Variants in DIPK1B observed in about 807,000 individuals in gnomAD.
DIPK1B encodes the protein divergent protein kinase domain 1B.
DIPK1B carries 17 observed loss-of-function variants against 20.7 expected under a neutral mutation model. That is an observed-to-expected ratio of 0.82 (90% CI 0.56 to 1.23). The LOEUF (loss-of-function observed/expected upper bound fraction) is 1.23, where lower values mean the gene tolerates loss of function less well. Ranked by LOEUF, DIPK1B falls within the 50% of genes most tolerant of loss-of-function variation. The pLI, the probability that DIPK1B is intolerant of heterozygous loss-of-function variation, is 0.00. For synonymous variants in DIPK1B, 343 were observed against 276.5 expected, an observed-to-expected ratio of 1.24 and a Z score of -2.39; for missense variants, 648 against 601.8, an observed-to-expected ratio of 1.08 and a Z score of -0.80.
At chr9:136,722,644 G>A (rs367861834) in intron 4 of DIPK1B, 122 of 562,048 alleles carry the variant, frequency 2.2e-4, no homozygotes, top group East Asian at 2.0e-3. Context: ...CGTGCCCTCT[G>A]CCCTGTGCCG....
At chr9:136,720,240 GCGTTTTCTT>G (rs1846575820) in intron 2 of DIPK1B, among the ~76,000 whole-genome samples, 1 of 151,972 alleles carries the variant, frequency 6.6e-6, no homozygotes, top group Non-Finnish European at 1.5e-5. Context: ...CGAAGAGCCG[GCGTTTTCTT>G]GCTGCCGGGA....
At chr9:136,719,503 G>A (rs1459483418) in intron 2 of DIPK1B, among the ~76,000 whole-genome samples, 2 of 152,244 alleles carry the variant, frequency 1.3e-5, no homozygotes, top group African/African-American at 4.8e-5. Flanking sequence ...TGCAGGGCCA[G>A]TCCCAGCTTC....
At chr9:136,717,034 G>A (rs1354385531) in intron 1 of DIPK1B, among the ~76,000 whole-genome samples, 2 of 152,042 alleles carry the variant, frequency 1.3e-5, no homozygotes, top group Non-Finnish European at 2.9e-5. Flanking sequence ...TTCAAGACCA[G>A]CCTAGTCAAC....
chr9:136,724,638 ATAT>A lies in DIPK1B; in HGVS notation c.*868_*870del, dbSNP rs570716541. Reference sequence around the variant, plus strand: ...ACTCTCAAATTTTGCCAACACAGAAATATTATCCTTAAAGAAATGTGCATTTAA... The same window carrying A: ...ACTCTCAAATTTTGCCAACACAGAAATATCCTTAAAGAAATGTGCATTTAA... On this transcript the variant is annotated 3_prime_UTR_variant, in exon 5 of 5. Transcript: ENST00000371692. 9.6e-4 allele frequency: 147 copies of A among 152,376 alleles called. No homozygotes were observed. Among genetic ancestry groups the A allele is most frequent in the African/African-American group, 3.4e-3 (141 of 41,596 alleles). The allele number at this position is 152,376 out of a possible 1,614,324, so 9.4% of individuals were successfully genotyped here. A position where few individuals can be genotyped will look rare whatever the true frequency, so the allele number is the denominator to read the frequency against.
chr9:136,723,444 G>A lies in DIPK1B; in HGVS notation c.966G>A (p.Glu322=). ...CCGACCTGCAGCAGGTGGCACCCGA[G>A]GCCACCGTGCGCCGCTTCCTGCAGG... ...KMADLQQVAP[E]ATVRRFLQGR... The change falls in exon 5 of 5, where the codon GAG becomes GAA. Residue 322 remains glutamate, a synonymous_variant. Coordinates refer to ENST00000371692, the MANE Select transcript of DIPK1B (RefSeq NM_152421.4). The A allele has an allele frequency of 1.9e-6, 3 of 1,611,760 alleles. No homozygotes were observed. Among genetic ancestry groups the A allele is most frequent in the Non-Finnish European group, 2.5e-6 (3 of 1,179,284 alleles).
At chr9:136,714,439 T>C (rs1004351196) in intron 1 of DIPK1B, among the ~76,000 whole-genome samples, 1 of 152,184 alleles carries the variant, frequency 6.6e-6, no homozygotes. Context: ...GGTAAGTCCC[T>C]AGCTTGGTGT....
Position 136,723,898 on chromosome 9 carries a change from G to C in DIPK1B, c.*124G>C. The stretch of plus-strand genomic sequence containing the variant: ...TGTGTTGCAAAATCACTCCCCTACC[G>C]TCAGGGCTCTGGATTCCAGCACCAC... On this transcript the variant is annotated 3_prime_UTR_variant, in exon 5 of 5. Coordinates refer to ENST00000371692, the MANE Select transcript of DIPK1B (RefSeq NM_152421.4). The C allele has an allele frequency of 9.9e-7, 1 of 1,013,658 alleles. No homozygotes were observed. Among genetic ancestry groups the C allele is most frequent in the Non-Finnish European group, 1.4e-6 (1 of 707,452 alleles). 62.8% of individuals were successfully genotyped at this position (1,013,658 alleles called of 1,614,324 possible). A position where few individuals can be genotyped will look rare whatever the true frequency, so the allele number is the denominator to read the frequency against.
Position 136,722,115 on chromosome 9 carries a change from C to T in DIPK1B, c.307-10C>T, listed in dbSNP as rs746133768. 7 of 1,613,672 alleles carry T rather than the reference C, an allele frequency of 4.3e-6. No homozygotes were observed. Among genetic ancestry groups the T allele is most frequent in the East Asian group, 4.5e-5 (2 of 44,882 alleles). Reference sequence around the variant, plus strand: ...ATGTCTGCACGGAGGACCTCTGTGGCCCTGTCCAGGTGTACAGCGGGCTCT... The same window carrying T: ...ATGTCTGCACGGAGGACCTCTGTGGTCCTGTCCAGGTGTACAGCGGGCTCT... On this transcript the variant is annotated splice_polypyrimidine_tract_variant and intron_variant, in intron 3 of 4. Coordinates refer to ENST00000371692, the MANE Select transcript of DIPK1B (RefSeq NM_152421.4).
chr9:136,722,720 G>A, intron 4 of DIPK1B: 2 of 594,860 alleles, frequency 3.4e-6, no homozygotes, highest in Non-Finnish European at 5.9e-6. Flanking sequence ...CTCCCCAGGT[G>A]CACCCAAGGC....
chr9:136,717,836 G>C, intron 2 of DIPK1B, 125 bp downstream of exon 2: 1 of 1,440,744 alleles, frequency 6.9e-7, no homozygotes, highest in Non-Finnish European at 9.4e-7. Context: ...TGGGTTTCTA[G>C]GTGGAATCTG....
At position 136,723,306 on chromosome 9, in the gene DIPK1B, C is replaced by T. The variant is rs553189035; in HGVS notation, c.828C>T (p.Ile276=). 4.0e-5 allele frequency: 64 copies of T among 1,612,872 alleles called. No individual in the cohort carries two copies. The highest frequency in any genetic ancestry group is 4.8e-5 in the Non-Finnish European group (57 of 1,179,850). The change falls in exon 5 of 5, where the codon ATC becomes ATT. Residue 276 remains isoleucine (I), a synonymous_variant. Transcript: ENST00000371692. ...GGCCTTGGCGGGCCAAGATCGCCAT[C>T]GGCCTGCTGGAGTTCGTGGAGGAGC... ...PAWPWRAKIA[I]GLLEFVEELF... is the part of the protein sequence containing the mutation.
At position 136,714,708 on chromosome 9, in the gene DIPK1B, C is replaced by T. The variant is rs143456762; in HGVS notation, c.63+1980C>T. ...GCCCAGGACAAGTGGTCTGAGGGGG[C>T]GGAGACCAACCTGGGCCTGGAGGGC... On this transcript the variant is annotated intron_variant, in intron 1 of 4. Coordinates refer to ENST00000371692, the MANE Select transcript of DIPK1B (RefSeq NM_152421.4). 3.3e-3 allele frequency among the ~76,000 whole-genome samples: 501 copies of T among 152,350 alleles called. 6 individuals are homozygous for T. Among genetic ancestry groups the T allele is most frequent in the African/African-American group, 0.011 (473 of 41,582 alleles).
Position 136,723,157 on chromosome 9 carries a change from G to A in DIPK1B, c.679G>A (p.Asp227Asn), listed in dbSNP as rs1022317490. The A allele has an allele frequency of 6.2e-7, 1 of 1,613,336 alleles. No homozygotes were observed. Among genetic ancestry groups the A allele is most frequent in the Admixed American group, 1.7e-5 (1 of 60,022 alleles). The change falls in exon 5 of 5, where the codon GAC (aspartate) becomes AAC (asparagine). Residue 227 changes from aspartate to asparagine, a missense_variant. By Grantham distance (23) the Asp-to-Asn change is conservative (BLOSUM62 1). Coordinates refer to ENST00000371692, the MANE Select transcript of DIPK1B (RefSeq NM_152421.4). The stretch of plus-strand genomic sequence containing the variant: ...CTCCAGACTGCTGGGCTACTGTGGG[G>A]ACCTCTACCTCACCGAGGGCGTGCC... The part of the protein sequence containing the change: ...HASRLLGYCG[D>N]LYLTEGVPHG...
In DIPK1B at chr9:136,712,917, G is replaced by A. The variant is rs1846447203; in HGVS notation, c.63+189G>A. Among the ~76,000 whole-genome samples, 1 of 152,126 alleles carries A rather than the reference G, an allele frequency of 6.6e-6. No homozygotes were observed. The highest frequency in any genetic ancestry group is 2.4e-5 in the African/African-American group (1 of 41,442). ...GGGACGCTGGGGGAGGGGCGGTGGC[G>A]GCGACAGGAGGGTCCGGGCGCGGGG... On this transcript the variant is annotated intron_variant, in intron 1 of 4. Transcript: ENST00000371692. The surrounding 1 kb of genome is among the most constrained non-coding windows in gnomAD (Gnocchi z 5.6).
At chr9:136,717,417 C>T (rs999483664) in intron 1 of DIPK1B, among the ~76,000 whole-genome samples, 160 bp from the exon 2 acceptor site, 1 of 152,120 alleles carries the variant, frequency 6.6e-6, no homozygotes, top group African/African-American at 2.4e-5. Flanking sequence ...TGTCGCTGAG[C>T]TGGGGGTGAT....
Position 136,722,171 on chromosome 9 carries a change from G to A in DIPK1B, c.353G>A (p.Gly118Asp). ...WRDKDVTIKC[G>D]IEETLDSKAR... Reference sequence around the variant, plus strand: ...GACAAGGATGTAACCATCAAGTGTGGCATTGAGGAGACCCTCGACTCCAAG... The same window carrying A: ...GACAAGGATGTAACCATCAAGTGTGACATTGAGGAGACCCTCGACTCCAAG... The change falls in exon 4 of 5, where the codon GGC (glycine) becomes GAC (aspartate). Residue 118 changes from glycine to aspartate, a missense_variant. Gly to Asp is a moderately conservative substitution (Grantham distance 94). Transcript: ENST00000371692. The A allele has an allele frequency of 6.2e-7, 1 of 1,614,054 alleles. No individual in the cohort carries two copies. Among genetic ancestry groups the A allele is most frequent in the African/African-American group, 1.3e-5 (1 of 75,040 alleles).
Position 136,723,738 on chromosome 9 carries a change from G to C in DIPK1B, c.1260G>C (p.Leu420=), listed in dbSNP as rs34080313. 100 of 1,535,286 alleles carry C rather than the reference G, an allele frequency of 6.5e-5. No individual in the cohort carries two copies. The African/African-American group carries it at 1.2e-3, about 19-fold the overall frequency. Residue 420 remains leucine (L), a synonymous_variant, in exon 5 of 5, where the codon CTG becomes CTC. Coordinates refer to ENST00000371692, the MANE Select transcript of DIPK1B (RefSeq NM_152421.4). ...TGGTGCTCAGCCACCTCAAGACTCT[G>C]CTCTGGAAGAAGATCTCCAACACCA... The part of the protein sequence containing the change: ...HSLVLSHLKT[L]LWKKISNTKY...
chr9:136,713,670 C>T (rs1846457544), intron 1 of DIPK1B, among the ~76,000 whole-genome samples: 2 of 152,132 alleles, frequency 1.3e-5, no homozygotes, highest in South Asian at 4.1e-4. Flanking sequence ...ACAGTGGTCC[C>T]CTCCCCCGAG....
intron 2 of DIPK1B, among the ~76,000 whole-genome samples, chr9:136,719,409 G>T (rs1282511394): frequency 6.6e-6 from 1 of 152,218 alleles, no homozygotes; most frequent in African/African-American, 2.4e-5. Context: ...CCCAGAGGAG[G>T]TTCCCTGCCC....
Sources: gnomAD v4.1 joint callset for allele counts (sites outside exome capture counted in the v4.1 genomes callset) on GRCh38, gnomAD v4.1.1 for gene constraint, Gnocchi (gnomAD v3.1) non-coding constraint, MANE v1.5 for transcripts, NCBI Gene and HGNC (gene_info 2026-07-23, HGNC 2026-07-21) for gene names.